Variants in CSTPP1 observed in about 807,000 individuals in gnomAD.
CSTPP1 encodes centriolar satellite-associated tubulin polyglutamylase complex regulator 1, also known as UPF0705 protein C11orf49.
the CSTPP1 span, among the ~76,000 whole-genome samples, chr11:46,945,365 A>G: frequency 6.6e-6 from 1 of 152,214 alleles, no homozygotes; most frequent in African/African-American, 2.4e-5. Context: ...CTGTAATCCC[A>G]GCATTTTGGA....
At chr11:46,953,296 G>T in the CSTPP1 span, among the ~76,000 whole-genome samples, 1 of 152,252 alleles carries the variant, frequency 6.6e-6, no homozygotes, top group South Asian at 2.1e-4. Context: ...AGGAGAGGGG[G>T]TGATAGCAAG....
chr11:47,164,209 C>T, the CSTPP1 span: 67 of 1,613,684 alleles, frequency 4.2e-5, no homozygotes, highest in Admixed American at 3.3e-5. Flanking sequence ...TCCTCAGCTT[C>T]GGTACCGACG....
At chr11:46,943,508 C>T in the CSTPP1 span, among the ~76,000 whole-genome samples, 1 of 152,192 alleles carries the variant, frequency 6.6e-6, no homozygotes, top group Non-Finnish European at 1.5e-5. Flanking sequence ...AACATTTCTG[C>T]CATGAGGAGG....
chr11:47,040,645 G>A, the CSTPP1 span, among the ~76,000 whole-genome samples: 6 of 126,552 alleles, frequency 4.7e-5, 2 homozygotes, highest in East Asian at 2.1e-4. Context: ...TTAGCCCCTC[G>A]ACCCCGGCAA....
the CSTPP1 span, among the ~76,000 whole-genome samples, chr11:47,045,873 G>A: frequency 1.3e-5 from 2 of 151,748 alleles, no homozygotes; most frequent in African/African-American, 2.4e-5. Flanking sequence ...TGCAACCTCC[G>A]TCCCCCGGGT....
chr11:46,955,556 G>T, the CSTPP1 span, among the ~76,000 whole-genome samples: 1 of 151,582 alleles, frequency 6.6e-6, no homozygotes, highest in African/African-American at 2.4e-5. Context: ...GCAGAGACGG[G>T]GTTTCACCGT....
chr11:47,051,568 T>G, the CSTPP1 span, among the ~76,000 whole-genome samples: 1 of 152,184 alleles, frequency 6.6e-6, no homozygotes, highest in Non-Finnish European at 1.5e-5. Flanking sequence ...CTGGGGTTAT[T>G]GTCAGAGAGA....
At chr11:46,987,356 G>A in the CSTPP1 span, 38 of 1,497,384 alleles carry the variant, frequency 2.5e-5, no homozygotes, top group East Asian at 5.2e-4. Flanking sequence ...CAGAGGAGGC[G>A]CTTGGAAGCA....
the CSTPP1 span, among the ~76,000 whole-genome samples, chr11:46,975,072 C>T: frequency 6.6e-6 from 1 of 151,936 alleles, no homozygotes; most frequent in Non-Finnish European, 1.5e-5. Context: ...TTGCTTGAGC[C>T]CAGGAGTTTG....
the CSTPP1 span, among the ~76,000 whole-genome samples, chr11:46,996,659 A>T: frequency 6.6e-6 from 1 of 152,142 alleles, no homozygotes. Context: ...TCTTCCTAGC[A>T]TTGATGGTCT....
At chr11:47,070,267 GGA>G in the CSTPP1 span, among the ~76,000 whole-genome samples, 24 of 146,518 alleles carry the variant, frequency 1.6e-4, no homozygotes, top group Non-Finnish European at 1.8e-4. Flanking sequence ...GGAGAGAGGG[GGA>G]GAGAGAGAGA....
the CSTPP1 span, chr11:47,137,188 C>A: frequency 3.0e-6 from 3 of 986,804 alleles, no homozygotes; most frequent in Non-Finnish European, 4.1e-6. Context: ...CCCTACACAG[C>A]AAGACTGTTT....
chr11:47,008,013 G>C, the CSTPP1 span, among the ~76,000 whole-genome samples: 1 of 152,014 alleles, frequency 6.6e-6, no homozygotes, highest in East Asian at 1.9e-4. Flanking sequence ...TGTCGCCCAG[G>C]CTGGAGTGCA....
chr11:46,962,675 A>G, the CSTPP1 span, among the ~76,000 whole-genome samples: 3 of 152,120 alleles, frequency 2.0e-5, no homozygotes, highest in Admixed American at 6.6e-5. Context: ...TAAGTATTTC[A>G]TTTTTATATT....
chr11:47,154,227 G>A, the CSTPP1 span, among the ~76,000 whole-genome samples: 2 of 152,030 alleles, frequency 1.3e-5, no homozygotes, highest in Admixed American at 6.6e-5. Context: ...ATGAGCCACC[G>A]CGCCTGGCCA....
chr11:47,013,179 A>G, the CSTPP1 span, among the ~76,000 whole-genome samples: 1 of 148,412 alleles, frequency 6.7e-6, no homozygotes, highest in East Asian at 1.9e-4. Context: ...TATATATAAC[A>G]TATATAACCA....
chr11:46,996,183 G>A, the CSTPP1 span, among the ~76,000 whole-genome samples: 4 of 152,118 alleles, frequency 2.6e-5, no homozygotes, highest in African/African-American at 9.7e-5. Flanking sequence ...CTGCATGTGA[G>A]ATGGGTCTCC....
chr11:47,024,969 A>T, the CSTPP1 span, among the ~76,000 whole-genome samples: 1 of 152,204 alleles, frequency 6.6e-6, no homozygotes, highest in South Asian at 2.1e-4. Flanking sequence ...AGGGAGTTTT[A>T]AAAAGGTATC....
At chr11:46,962,045 C>T in the CSTPP1 span, among the ~76,000 whole-genome samples, 1 of 152,136 alleles carries the variant, frequency 6.6e-6, no homozygotes, top group Non-Finnish European at 1.5e-5. Flanking sequence ...GGAAAAGTCC[C>T]TTATAAAACC....
Sources: allele counts gnomAD v4.1 joint callset (sites outside exome capture counted in the v4.1 genomes callset), GRCh38; gene constraint gnomAD v4.1.1; transcripts MANE v1.5; gene names NCBI Gene and HGNC (gene_info 2026-07-23, HGNC 2026-07-21).